DPYD: variants seen among roughly 807,000 people sequenced by gnomAD.
DPYD encodes dihydropyrimidine dehydrogenase.
In DPYD, 109 loss-of-function variants were observed where a neutral mutation model predicts 116.2. That is an observed-to-expected ratio of 0.94 (90% CI 0.80 to 1.10). The LOEUF (loss-of-function observed/expected upper bound fraction) is 1.10, where lower values mean the gene tolerates loss of function less well. DPYD is among the 50% of genes least tolerant of loss of function. The pLI is 0.00. For synonymous variants in DPYD, 440 were observed against 432.0 expected (o/e 1.02, Z -0.23); for missense variants, 1,302 against 1,254.5 (o/e 1.04, Z -0.57).
chr1:97,369,086 G>C (rs12126526), intron 16 of DPYD, among the ~76,000 whole-genome samples: 6,297 of 152,152 alleles, frequency 0.041, 183 homozygotes, highest in Middle Eastern at 0.11. Flanking sequence ...GCTAAAAGAG[G>C]GTTAGTACTC....
chr1:97,449,438 G>A (rs1676276556), intron 14 of DPYD, among the ~76,000 whole-genome samples: 1 of 151,986 alleles, frequency 6.6e-6, no homozygotes, highest in South Asian at 2.1e-4. Flanking sequence ...AGTGGGAGAG[G>A]GAGGTGGGAG....
intron 20 of DPYD, among the ~76,000 whole-genome samples, chr1:97,182,808 C>A (rs572700168): frequency 1.3e-5 from 2 of 152,206 alleles, no homozygotes; most frequent in African/African-American, 4.8e-5. Context: ...GCTGCAAGAG[C>A]CTACCAGCAG....
intron 4 of DPYD, among the ~76,000 whole-genome samples, chr1:97,729,553 A>G (rs569312695): frequency 9.2e-5 from 14 of 152,240 alleles, no homozygotes; most frequent in Middle Eastern, 3.4e-3. Context: ...TATTAAATAA[A>G]TATTCCATGT....
intron 18 of DPYD, among the ~76,000 whole-genome samples, chr1:97,284,130 G>C (rs1437087262): frequency 2.0e-5 from 3 of 151,962 alleles, no homozygotes; most frequent in Non-Finnish European, 4.4e-5. Flanking sequence ...AACAATAATG[G>C]TATTTTCTAG....
intron 18 of DPYD, among the ~76,000 whole-genome samples, chr1:97,251,306 C>T (rs1297177347): frequency 1.4e-5 from 2 of 144,084 alleles, no homozygotes; most frequent in South Asian, 2.2e-4. Context: ...GCAGGAGAAT[C>T]GCTTGAATCT....
At chr1:97,546,864 G>A in intron 12 of DPYD, 1 of 1,610,286 alleles carries the variant, frequency 6.2e-7, no homozygotes, top group Non-Finnish European at 8.5e-7. Flanking sequence ...ATCACCCACA[G>A]TGGGATACAG....
chr1:97,319,956 A>T (rs1423250870), intron 16 of DPYD, among the ~76,000 whole-genome samples: 8 of 133,002 alleles, frequency 6.0e-5, no homozygotes, highest in Non-Finnish European at 1.0e-4. Context: ...GTAATACAGC[A>T]TATAAACAGA....
At chr1:97,158,676 G>A (rs949916171) in intron 20 of DPYD, among the ~76,000 whole-genome samples, 5 of 151,864 alleles carry the variant, frequency 3.3e-5, no homozygotes, top group African/African-American at 7.3e-5. Flanking sequence ...AGAGAAATTC[G>A]TCTTCTAACT....
chr1:97,717,931 T>A (rs1298439933), intron 5 of DPYD, among the ~76,000 whole-genome samples: 5 of 151,890 alleles, frequency 3.3e-5, no homozygotes, highest in African/African-American at 1.2e-4. Context: ...TATAAACATG[T>A]GTGATCAAGT....
chr1:97,909,699 T>A (rs1388138020), intron 1 of DPYD, among the ~76,000 whole-genome samples: 1 of 152,064 alleles, frequency 6.6e-6, no homozygotes, highest in Non-Finnish European at 1.5e-5. Flanking sequence ...TATCTTCTCC[T>A]CTTCTTAATG....
At chr1:97,831,782 G>A (rs137944585) in intron 2 of DPYD, among the ~76,000 whole-genome samples, 1 of 151,622 alleles carries the variant, frequency 6.6e-6, no homozygotes, top group South Asian at 2.1e-4. Flanking sequence ...AGAACAGCAA[G>A]CAGAAGAACA....
chr1:97,710,931 CAT>C (rs1363660829), intron 5 of DPYD, among the ~76,000 whole-genome samples: 1 of 151,420 alleles, frequency 6.6e-6, no homozygotes. Context: ...ATAAAAAAAA[CAT>C]ATATATATTA....
intron 14 of DPYD, among the ~76,000 whole-genome samples, chr1:97,417,095 C>T (rs1674328703): frequency 6.6e-6 from 1 of 152,164 alleles, no homozygotes; most frequent in African/African-American, 2.4e-5. Context: ...CTAAACCCTA[C>T]AAGAGAGGCC....
intron 20 of DPYD, among the ~76,000 whole-genome samples, chr1:97,173,464 T>G (rs890473237): frequency 7.7e-6 from 1 of 130,406 alleles, no homozygotes; most frequent in Non-Finnish European, 1.6e-5. Flanking sequence ...AGTATATATA[T>G]ACACACATAA....
At chr1:97,590,931 T>A (rs929243583) in intron 10 of DPYD, among the ~76,000 whole-genome samples, 2 of 152,224 alleles carry the variant, frequency 1.3e-5, no homozygotes, top group African/African-American at 4.8e-5. Context: ...AGCAGCCCAG[T>A]GATTTTTCTC....
At chr1:97,259,706 G>C (rs1186025248) in intron 18 of DPYD, among the ~76,000 whole-genome samples, 2 of 152,126 alleles carry the variant, frequency 1.3e-5, no homozygotes, top group Non-Finnish European at 2.9e-5. Context: ...TTTGGAAGAA[G>C]CAGTGAAATA....
chr1:97,087,805 T>C (rs1649621347), intron 21 of DPYD, among the ~76,000 whole-genome samples: 1 of 152,226 alleles, frequency 6.6e-6, no homozygotes, highest in Non-Finnish European at 1.5e-5. Context: ...CTCTTTTTAG[T>C]TCTGATAAAA....
At chr1:97,586,308 T>C (rs946449840) in intron 10 of DPYD, 3 of 151,222 alleles carry the variant, frequency 2.0e-5, no homozygotes, top group Non-Finnish European at 4.4e-5. Flanking sequence ...TAAAGTAGTC[T>C]TATATACAAT....
In DPYD at chr1:97,595,140, T is replaced by G. The variant is rs779925747; in HGVS notation, c.877A>C (p.Ile293Leu). ...IGLPEPNKDA[I>L]FQGLTQDQGF... ...TGGTCCTGCGTCAGGCCTTGGAAGA[T>G]GGCATCTTTATTGGGTTCTGGCAAA... The change falls in exon 9 of 23, where the codon ATC (isoleucine) becomes CTC (leucine). Residue 293 changes from isoleucine (I) to leucine (L), a missense_variant. Coordinates refer to ENST00000370192, the MANE Select transcript of DPYD (RefSeq NM_000110.4). 1 of 1,613,710 alleles carries G rather than the reference T, an allele frequency of 6.2e-7. No homozygotes were observed. Among genetic ancestry groups the G allele is most frequent in the East Asian group, 2.2e-5 (1 of 44,852 alleles).
Sources: allele counts gnomAD v4.1 joint callset (sites outside exome capture counted in the v4.1 genomes callset), GRCh38; gene constraint gnomAD v4.1.1; transcripts MANE v1.5; gene names NCBI Gene and HGNC (gene_info 2026-07-23, HGNC 2026-07-21).